SNAP29: variants seen among roughly 807,000 people sequenced by gnomAD.
SNAP29 encodes the protein synaptosomal-associated protein 29.
A neutral mutation model predicts 27.9 loss-of-function variants in SNAP29; 13 were observed. The observed-to-expected ratio is 0.47, with a 90% confidence interval of 0.30 to 0.74. The LOEUF (loss-of-function observed/expected upper bound fraction) is 0.74. Among genes scored for constraint, SNAP29 ranks in the 30% least tolerant of loss-of-function variants. The pLI, the probability that SNAP29 is intolerant of heterozygous loss-of-function variation, is 0.06. For synonymous variants in SNAP29, 119 were observed against 127.1 expected (o/e 0.94, Z 0.43); for missense variants, 368 against 336.5 (o/e 1.09, Z -0.73).
At chr22:20,862,170 G>C (rs904006450) in intron 1 of SNAP29, among the ~76,000 whole-genome samples, 1 of 152,176 alleles carries the variant, frequency 6.6e-6, no homozygotes, top group Non-Finnish European at 1.5e-5. Context: ...AGATTTGAGA[G>C]GATTGCCTGA....
intron 1 of SNAP29, among the ~76,000 whole-genome samples, chr22:20,867,323 G>A (rs917111470): frequency 2.0e-5 from 3 of 151,960 alleles, no homozygotes; most frequent in Non-Finnish European, 2.9e-5. Flanking sequence ...AAGATGGGCC[G>A]TGGCTCTGCG....
At chr22:20,869,995 T>C (rs1928548835) in intron 1 of SNAP29, among the ~76,000 whole-genome samples, 1 of 152,050 alleles carries the variant, frequency 6.6e-6, no homozygotes, top group African/African-American at 2.4e-5. Context: ...GGTCTTGAAC[T>C]CCTGACCTCA....
intron 2 of SNAP29, among the ~76,000 whole-genome samples, chr22:20,872,245 A>AT (rs202151538): frequency 7.4e-5 from 11 of 149,596 alleles, no homozygotes; most frequent in African/African-American, 2.7e-4. Context: ...TATTTTATTT[A>AT]TTTATTTTTT....
chr22:20,874,843 T>G (rs1038721378), intron 2 of SNAP29, among the ~76,000 whole-genome samples: 22 of 152,278 alleles, frequency 1.4e-4, no homozygotes, highest in African/African-American at 5.1e-4. Context: ...ATCCTAATCT[T>G]TGGCCACATT....
In SNAP29 at chr22:20,887,926, G is replaced by C. The variant is rs1929058928; in HGVS notation, c.*90G>C. On this transcript the variant is annotated 3_prime_UTR_variant, in exon 5 of 5. Coordinates refer to ENST00000215730, the MANE Select transcript of SNAP29 (RefSeq NM_004782.4). ...GAAATTTCATTTACTATTTTAGTAT[G>C]TAAATTAATGTGTGTTTGCAAATGT... The C allele has an allele frequency of 8.1e-7, 1 of 1,232,604 alleles. No individual in the cohort carries two copies. Among genetic ancestry groups the C allele is most frequent in the Non-Finnish European group, 1.2e-6 (1 of 850,592 alleles). 76.4% of individuals were successfully genotyped at this position (1,232,604 alleles called of 1,614,324 possible).
At chr22:20,871,008 A>C (rs1258911354) in intron 2 of SNAP29, 3 of 254,146 alleles carry the variant, frequency 1.2e-5, no homozygotes, top group African/African-American at 6.8e-5. Flanking sequence ...GCACACCTGT[A>C]GTCCCAGCTC....
intron 1 of SNAP29, 24 bp downstream of exon 1, chr22:20,859,371 T>A (rs760333632): frequency 6.7e-7 from 1 of 1,498,380 alleles, no homozygotes; most frequent in South Asian, 1.1e-5. Flanking sequence ...AGGGCTGGTG[T>A]GGACTCGCCG....
At chr22:20,859,644 A>T in intron 1 of SNAP29, 2 of 468,242 alleles carry the variant, frequency 4.3e-6, no homozygotes, top group South Asian at 5.0e-5. Flanking sequence ...TGTCCAGGTG[A>T]GTAAAAATTC....
intron 2 of SNAP29, among the ~76,000 whole-genome samples, chr22:20,877,048 T>C (rs1928764348): frequency 6.6e-6 from 1 of 152,204 alleles, no homozygotes; most frequent in African/African-American, 2.4e-5. Context: ...ATTCTCTAAC[T>C]TATTTAAGAC....
chr22:20,883,325 C>G (rs369806690), intron 3 of SNAP29, 146 bp from the exon 4 acceptor site: 1 of 643,318 alleles, frequency 1.6e-6, no homozygotes, highest in South Asian at 1.5e-5. Context: ...CTGCGCTGTG[C>G]TCCTCCCTCA....
chr22:20,860,701 C>G (rs773418399), intron 1 of SNAP29, among the ~76,000 whole-genome samples: 6 of 151,976 alleles, frequency 3.9e-5, no homozygotes, highest in Non-Finnish European at 8.8e-5. Flanking sequence ...ACCACAGTCT[C>G]TCTTCAGCCT....
Position 20,859,187 on chromosome 22 carries a change from G to A in SNAP29, c.77G>A (p.Arg26Lys). 6.2e-7 allele frequency: 1 copy of A among 1,603,534 alleles called. No homozygotes were observed. The change falls in exon 1 of 5, where the codon AGG becomes AAG. Residue 26 changes from arginine to lysine, a missense_variant. Coordinates refer to ENST00000215730, the MANE Select transcript of SNAP29 (RefSeq NM_004782.4). ...EDEGARPAPW[R>K]DARDLPDGPD... Reference sequence around the variant, plus strand: ...GAAGGCGCCCGGCCGGCCCCTTGGAGGGACGCCCGAGACCTCCCCGACGGG... The same window carrying A: ...GAAGGCGCCCGGCCGGCCCCTTGGAAGGACGCCCGAGACCTCCCCGACGGG...
chr22:20,881,511 C>G (rs1412615018), intron 3 of SNAP29, among the ~76,000 whole-genome samples: 1 of 152,292 alleles, frequency 6.6e-6, no homozygotes, highest in African/African-American at 2.4e-5. Flanking sequence ...TGTGACCAGC[C>G]TTACTAATAA....
chr22:20,859,219 G>A lies in SNAP29; in HGVS notation c.109G>A (p.Ala37Thr), dbSNP rs1164783820. 1 of 1,604,200 alleles carries A rather than the reference G, an allele frequency of 6.2e-7. No homozygotes were observed. The highest frequency in any genetic ancestry group is 1.3e-5 in the African/African-American group (1 of 74,884). The change falls in exon 1 of 5, where the codon GCG becomes ACG. Residue 37 changes from alanine (A) to threonine (T), a missense_variant. Physicochemically the swap from Ala to Thr is moderately conservative, Grantham distance 58. Transcript: ENST00000215730. ...CCGAGACCTCCCCGACGGGCCCGAC[G>A]CGCCCGCGGACAGGCAGCAGTACTT... ...DARDLPDGPD[A>T]PADRQQYLRQ...
chr22:20,863,983 G>A (rs1324187897), intron 1 of SNAP29, among the ~76,000 whole-genome samples: 3 of 152,158 alleles, frequency 2.0e-5, no homozygotes, highest in Non-Finnish European at 4.4e-5. Context: ...TTGAACAAAT[G>A]ACTTCTATTT....
At chr22:20,878,039 T>TGCTGC (rs1160925184) in intron 2 of SNAP29, among the ~76,000 whole-genome samples, 2 of 152,218 alleles carry the variant, frequency 1.3e-5, no homozygotes, top group Non-Finnish European at 2.9e-5. Context: ...TGCTGCATTC[T>TGCTGC]ACCCATAGCT....
At chr22:20,884,766 A>ATGTGT (rs1569121018) in intron 4 of SNAP29, among the ~76,000 whole-genome samples, 1 of 150,790 alleles carries the variant, frequency 6.6e-6, no homozygotes. Context: ...CTTAGTGATT[A>ATGTGT]TGTTTTGTTT....
chr22:20,875,434 G>A (rs1401304627), intron 2 of SNAP29, among the ~76,000 whole-genome samples: 2 of 152,214 alleles, frequency 1.3e-5, no homozygotes, highest in Non-Finnish European at 2.9e-5. Flanking sequence ...AATGCAGTCT[G>A]TCTGTTGGAA....
At chr22:20,866,545 A>G (rs1928464392) in intron 1 of SNAP29, among the ~76,000 whole-genome samples, 1 of 152,044 alleles carries the variant, frequency 6.6e-6, no homozygotes, top group Non-Finnish European at 1.5e-5. Context: ...GGTCTCGGTC[A>G]CGGAAGCCCA....
Sources: gnomAD v4.1 joint callset for allele counts (sites outside exome capture counted in the v4.1 genomes callset) on GRCh38, gnomAD v4.1.1 for gene constraint, MANE v1.5 for transcripts, NCBI Gene and HGNC (gene_info 2026-07-23, HGNC 2026-07-21) for gene names.